PEAK1: variants seen among roughly 807,000 people sequenced by gnomAD.
The protein encoded by PEAK1 is inactive tyrosine-protein kinase PEAK1.
PEAK1 carries 54 observed loss-of-function variants against 124.7 expected under a neutral mutation model. The ratio of observed to expected loss-of-function variants is 0.43; its 90% CI spans 0.35 to 0.54. The LOEUF (loss-of-function observed/expected upper bound fraction) is 0.54. Among genes scored for constraint, PEAK1 ranks in the 20% least tolerant of loss-of-function variants. The pLI is 0.01. For missense variants in PEAK1, 2,046 were observed against 2,134.5 expected (o/e 0.96, Z 0.82); for synonymous variants, 719 against 760.0 (o/e 0.95, Z 0.89).
chr15:77,340,954 C>CTTTTT (rs530345918), intron 2 of PEAK1, among the ~76,000 whole-genome samples: 1 of 143,122 alleles, frequency 7.0e-6, no homozygotes. Context: ...ACAATTATAG[C>CTTTTT]TTTTTTTTTT....
chr15:77,330,014 A>T (rs1403612344), intron 2 of PEAK1, among the ~76,000 whole-genome samples: 1 of 152,046 alleles, frequency 6.6e-6, no homozygotes, highest in Non-Finnish European at 1.5e-5. Context: ...AATATTAAAA[A>T]GAAAAAAAAA....
intron 6 of PEAK1, among the ~76,000 whole-genome samples, chr15:77,203,287 C>T (rs1052720724): frequency 2.0e-5 from 3 of 151,952 alleles, no homozygotes; most frequent in Non-Finnish European, 2.9e-5. Context: ...AGTGGACCCA[C>T]GCCGTTCAAA....
intron 7 of PEAK1, among the ~76,000 whole-genome samples, chr15:77,164,556 T>C (rs1314361695): frequency 1.3e-5 from 2 of 152,174 alleles, no homozygotes; most frequent in East Asian, 1.9e-4. Flanking sequence ...CAACAAAGCA[T>C]ATAAAAACAT....
intron 1 of PEAK1, among the ~76,000 whole-genome samples, chr15:77,375,008 T>C (rs2068902644): frequency 6.6e-6 from 1 of 152,184 alleles, no homozygotes; most frequent in Non-Finnish European, 1.5e-5. Flanking sequence ...AAGACCATGA[T>C]GTATTTCAAC....
At position 77,400,164 on chromosome 15, in the gene PEAK1, G is replaced by A. The variant is rs371293876; in HGVS notation, c.-666+19842C>T. Reference sequence around the variant, plus strand: ...CAAAAGACAGGCAATAATAACTGCCGGCAAGAATGTGGAGAAAAGGGAACC... The same window carrying A: ...CAAAAGACAGGCAATAATAACTGCCAGCAAGAATGTGGAGAAAAGGGAACC... On this transcript the variant is annotated intron_variant, in intron 1 of 9. Coordinates refer to ENST00000682557, the MANE Select transcript of PEAK1 (RefSeq NM_001385026.1). Among the ~76,000 whole-genome samples, 12 of 152,120 alleles carry A rather than the reference G, an allele frequency of 7.9e-5. No homozygotes were observed. In the East Asian group the frequency reaches 9.7e-4, roughly 12 times the overall value.
chr15:77,228,455 A>C (rs2059771631), intron 6 of PEAK1, among the ~76,000 whole-genome samples: 1 of 152,144 alleles, frequency 6.6e-6, no homozygotes, highest in Admixed American at 6.6e-5. Context: ...GACTTCATTT[A>C]ATAAAGTTTG....
intron 7 of PEAK1, among the ~76,000 whole-genome samples, chr15:77,174,738 T>A (rs542908396): frequency 6.6e-6 from 1 of 152,112 alleles, no homozygotes; most frequent in Non-Finnish European, 1.5e-5. Context: ...CTTCACAGAA[T>A]TGGAAAAAAC....
At chr15:77,371,508 TACCACCACCAC>T (rs2141687057) in intron 1 of PEAK1, 1 of 662,362 alleles carries the variant, frequency 1.5e-6, no homozygotes, top group African/African-American at 1.9e-5. Flanking sequence ...ACTACACACA[TACCACCACCAC>T]CACCACCACC....
chr15:77,223,478 T>C (rs958530972), intron 6 of PEAK1, among the ~76,000 whole-genome samples: 1 of 152,076 alleles, frequency 6.6e-6, no homozygotes, highest in Non-Finnish European at 1.5e-5. Context: ...ATGATTTAAC[T>C]ATCATAGCAA....
chr15:77,203,848 G>A (rs985148151), intron 6 of PEAK1, among the ~76,000 whole-genome samples: 3 of 152,136 alleles, frequency 2.0e-5, no homozygotes, highest in Non-Finnish European at 1.5e-5. Flanking sequence ...AGATGATGGT[G>A]AGTTTAGTGA....
chr15:77,133,269 C>A lies in PEAK1; in HGVS notation c.3813G>T (p.Pro1271=), dbSNP rs201213328. 15 of 1,614,146 alleles carry A rather than the reference C, an allele frequency of 9.3e-6. No homozygotes were observed. The highest frequency in any genetic ancestry group is 1.3e-5 in the African/African-American group (1 of 74,958). Residue 1271 remains proline (P), a synonymous_variant, in exon 9 of 10, where the codon CCG becomes CCT. Coordinates refer to ENST00000682557, the MANE Select transcript of PEAK1 (RefSeq NM_001385026.1). This position sits in a 1 kb window ranked among gnomAD's most constrained non-coding sequence, Gnocchi z 4.2. ...SCRQGRGIQK[P]QRQALYRGLE... ...GTCCTCGATAAAGTGCTTGTCTCTG[C>A]GGCTTCTGGATGCCTCGGCCCTGTC...
At chr15:77,250,175 GTATA>G (rs1163916105) in intron 6 of PEAK1, among the ~76,000 whole-genome samples, 11 of 130,874 alleles carry the variant, frequency 8.4e-5, no homozygotes, top group South Asian at 2.3e-4. Flanking sequence ...ACATATATAT[GTATA>G]TGTATATATA....
At chr15:77,353,366 A>G (rs562948598) in intron 2 of PEAK1, among the ~76,000 whole-genome samples, 1 of 152,320 alleles carries the variant, frequency 6.6e-6, no homozygotes, top group African/African-American at 2.4e-5. Context: ...ACGTTGCCAG[A>G]CAGAATTTGG....
chr15:77,166,708 G>C (rs1032021882), intron 7 of PEAK1, among the ~76,000 whole-genome samples: 1 of 152,230 alleles, frequency 6.6e-6, no homozygotes, highest in African/African-American at 2.4e-5. Context: ...GTGGAGCTGA[G>C]ATTCAAACCC....
At chr15:77,243,377 A>G (rs1021975362) in intron 6 of PEAK1, among the ~76,000 whole-genome samples, 3 of 152,240 alleles carry the variant, frequency 2.0e-5, no homozygotes, top group South Asian at 2.1e-4. Flanking sequence ...GCAACTGCAT[A>G]AACATTTTCC....
intron 2 of PEAK1, among the ~76,000 whole-genome samples, chr15:77,340,333 A>G (rs2066452173): frequency 6.6e-6 from 1 of 152,242 alleles, no homozygotes; most frequent in African/African-American, 2.4e-5. Flanking sequence ...GGAAGCTTGA[A>G]CTAACACAGA....
chr15:77,219,763 A>T (rs1389555294), intron 6 of PEAK1, among the ~76,000 whole-genome samples: 4 of 152,150 alleles, frequency 2.6e-5, no homozygotes, highest in Non-Finnish European at 5.9e-5. Context: ...TACTGCAAAG[A>T]ACAAAACTCA....
chr15:77,354,895 C>T (rs2067416548), intron 2 of PEAK1, among the ~76,000 whole-genome samples: 2 of 151,860 alleles, frequency 1.3e-5, no homozygotes, highest in African/African-American at 2.4e-5. Flanking sequence ...AAAAATTAGC[C>T]GGGTGTGGTG....
chr15:77,277,076 C>T (rs974105551), intron 5 of PEAK1, among the ~76,000 whole-genome samples: 1 of 152,030 alleles, frequency 6.6e-6, no homozygotes, highest in Non-Finnish European at 1.5e-5. Flanking sequence ...ATTCAAGTAA[C>T]CTGCAGGAAA....
Sources: allele counts gnomAD v4.1 joint callset (sites outside exome capture counted in the v4.1 genomes callset), GRCh38; gene constraint gnomAD v4.1.1; non-coding constraint Gnocchi (gnomAD v3.1); transcripts MANE v1.5; gene names NCBI Gene and HGNC (gene_info 2026-07-23, HGNC 2026-07-21).